Variants in COL6A2 observed in about 807,000 individuals in gnomAD.
COL6A2 encodes collagen alpha-2(VI) chain.
A neutral mutation model predicts 124.9 loss-of-function variants in COL6A2; 90 were observed. The ratio of observed to expected loss-of-function variants is 0.72; its 90% CI spans 0.61 to 0.86. COL6A2 has a LOEUF of 0.86. COL6A2 is among the 40% of genes least tolerant of loss of function. COL6A2 has a pLI of 0.00. For missense variants in COL6A2, 1,607 were observed against 1,502.5 expected (o/e 1.07, Z -1.15); for synonymous variants, 793 against 618.2 (o/e 1.28, Z -4.19).
In COL6A2 at chr21:46,122,946, C is replaced by G. The variant is rs186428044; in HGVS notation, c.1671+9C>G. On this transcript the variant is annotated intron_variant, in intron 21 of 27. Transcript: ENST00000300527. ...GAGAGAAAGGAGAGCCTGTGAGTGTCACCGTCCCGAAGCCCACAGCAGCTG... is the reference window on the plus strand; with the variant it reads ...GAGAGAAAGGAGAGCCTGTGAGTGTGACCGTCCCGAAGCCCACAGCAGCTG... 1 of 1,612,736 alleles carries G rather than the reference C, an allele frequency of 6.2e-7. No individual in the cohort carries two copies. Among genetic ancestry groups the G allele is most frequent in the African/African-American group, 1.3e-5 (1 of 74,890 alleles).
intron 27 of COL6A2, among the ~76,000 whole-genome samples, 176 bp from the exon 28 acceptor site, chr21:46,131,778 G>A (rs1345407775): frequency 1.3e-5 from 2 of 152,310 alleles, no homozygotes; most frequent in Non-Finnish European, 1.5e-5. Flanking sequence ...CCGCCTGAAA[G>A]TGTCTTGGGC....
In COL6A2 at chr21:46,131,969, A is replaced by C. The variant is rs2078765932; in HGVS notation, c.2477A>C (p.Gln826Pro). Residue 826 changes from glutamine (Q) to proline (P), a missense_variant, in exon 28 of 28, where the codon CAG (glutamine) becomes CCG (proline). Physicochemically the swap from Gln to Pro is moderately conservative, Grantham distance 76. Coordinates refer to ENST00000300527, the MANE Select transcript of COL6A2 (RefSeq NM_001849.4). ...LPCQTELSVA[Q>P]CTQRPVDIVF... ...CTCCCCACAGAGCTGTCCGTGGCACAGTGCACGCAGCGGCCCGTGGACATC... is the reference window on the plus strand; with the variant it reads ...CTCCCCACAGAGCTGTCCGTGGCACCGTGCACGCAGCGGCCCGTGGACATC... 4 of 1,606,120 alleles carry C rather than the reference A, an allele frequency of 2.5e-6. No homozygotes were observed. Among genetic ancestry groups the C allele is most frequent in the Non-Finnish European group, 3.4e-6 (4 of 1,177,932 alleles).
intron 27 of COL6A2, 46 bp downstream of exon 27, chr21:46,126,587 C>T (rs1241869346): frequency 1.2e-6 from 2 of 1,610,838 alleles, no homozygotes; most frequent in South Asian, 1.1e-5. Flanking sequence ...AGCAAAGCAG[C>T]CCTGGTGTCC....
intron 1 of COL6A2, among the ~76,000 whole-genome samples, chr21:46,110,977 T>C (rs1403785777): frequency 1.3e-5 from 2 of 152,172 alleles, no homozygotes; most frequent in Non-Finnish European, 2.9e-5. Flanking sequence ...AAGTCCTGTT[T>C]AAAGGGAATG....
At chr21:46,120,351 A>G (rs1207929696) in intron 15 of COL6A2, among the ~76,000 whole-genome samples, 164 bp from the exon 16 acceptor site, 5 of 152,108 alleles carry the variant, frequency 3.3e-5, no homozygotes, top group Admixed American at 2.6e-4. Context: ...GGCACCGGGA[A>G]GGAGCTATGG....
Position 46,116,734 on chromosome 21 carries a change from G to C in COL6A2, c.955-36G>C. ...TCCTGCTGCTCAGGGCAGAAGGACC[G>C]GGGCTAATGGAGTTCCCTCTTCCTT... is the stretch of plus-strand genomic sequence containing the variant. On this transcript the variant is annotated intron_variant, in intron 9 of 27. Transcript: ENST00000300527. The surrounding 1 kb of genome is among the most constrained non-coding windows in gnomAD (Gnocchi z 4.6). 2.5e-6 allele frequency: 4 copies of C among 1,613,078 alleles called. No individual in the cohort carries two copies. Among genetic ancestry groups the C allele is most frequent in the South Asian group, 2.2e-5 (2 of 91,086 alleles).
At chr21:46,120,122 G>GGCCCCCACTGAGGCACCTCTTACCCCCCA (rs2078538565) in intron 15 of COL6A2, among the ~76,000 whole-genome samples, 1 of 16,030 alleles carries the variant, frequency 6.2e-5, no homozygotes, top group South Asian at 1.2e-3. Flanking sequence ...CACACCCCCC[G>GGCCCCCACTGAGGCACCTCTTACCCCCCA]GCCCCCACTG....
chr21:46,108,715 A>G (rs2078362160), intron 1 of COL6A2, among the ~76,000 whole-genome samples: 1 of 152,192 alleles, frequency 6.6e-6, no homozygotes, highest in African/African-American at 2.4e-5. Flanking sequence ...ACTGTACTTT[A>G]ACTTCATATT....
intron 24 of COL6A2, 73 bp from the exon 25 acceptor site, chr21:46,125,392 G>A (rs772848606): frequency 2.7e-4 from 433 of 1,607,870 alleles, no homozygotes; most frequent in Non-Finnish European, 3.3e-4. Flanking sequence ...TCATCGCTGG[G>A]TCCTGCATGT....
chr21:46,106,231 A>G (rs1054981366), intron 1 of COL6A2, among the ~76,000 whole-genome samples: 5 of 152,282 alleles, frequency 3.3e-5, no homozygotes, highest in African/African-American at 4.8e-5. Context: ...AAATATTTAT[A>G]TCTTACACTG....
intron 27 of COL6A2, among the ~76,000 whole-genome samples, chr21:46,127,231 G>A (rs889449242): frequency 1.3e-5 from 2 of 152,152 alleles, no homozygotes; most frequent in Non-Finnish European, 1.5e-5. Context: ...GGGATGCCAT[G>A]GAGACAGGGT....
intron 1 of COL6A2, among the ~76,000 whole-genome samples, chr21:46,109,153 CAG>C (rs2078367495): frequency 6.6e-6 from 1 of 152,056 alleles, no homozygotes. Flanking sequence ...TCTCTGCAAA[CAG>C]GGCATCTCAA....
intron 27 of COL6A2, among the ~76,000 whole-genome samples, chr21:46,131,252 G>T (rs1028653368): frequency 1.3e-5 from 2 of 152,240 alleles, no homozygotes; most frequent in Non-Finnish European, 2.9e-5. Flanking sequence ...ACCCACACGT[G>T]TGGTAGGCAG....
In COL6A2 at chr21:46,122,136, A is replaced by C. The variant is rs780177226; in HGVS notation, c.1550A>C (p.Tyr517Ser). The change falls in exon 19 of 28, where the codon TAC (tyrosine) becomes TCC (serine). Residue 517 changes from tyrosine (Y) to serine (S), a missense_variant. Around this residue, in one of 3 missense-constraint regions of COL6A2, gnomAD observed 1,223 missense variants for 1,052.2 expected, o/e 1.16. Coordinates refer to ENST00000300527, the MANE Select transcript of COL6A2 (RefSeq NM_001849.4). ...KGDPGRPGFS[Y>S]PGPRGAPGEK... ...GACCCCGGCAGGCCTGGATTCAGCT[A>C]CCCAGGACCCCGAGGAGCACCCGTG... is the stretch of plus-strand genomic sequence containing the variant. The C allele has an allele frequency of 9.3e-6, 15 of 1,612,582 alleles. No homozygotes were observed. Among genetic ancestry groups the C allele is most frequent in the Non-Finnish European group, 1.3e-5 (15 of 1,179,988 alleles).
At chr21:46,117,496 G>A (rs759351708) in intron 11 of COL6A2, 43 bp downstream of exon 11, 1 of 1,599,506 alleles carries the variant, frequency 6.3e-7, no homozygotes, top group Non-Finnish European at 8.6e-7. Flanking sequence ...GGCCCAGGGG[G>A]TGTGGGTGCC....
At chr21:46,129,307 C>A in intron 27 of COL6A2, 1 of 1,612,960 alleles carries the variant, frequency 6.2e-7, no homozygotes, top group Non-Finnish European at 8.5e-7. Flanking sequence ...CTAAACGCCA[C>A]GGAGCTCACG....
At chr21:46,117,656 G>A in intron 11 of COL6A2, 1 of 738,606 alleles carries the variant, frequency 1.4e-6, no homozygotes, top group Non-Finnish European at 2.3e-6. Context: ...GGATCCCCGT[G>A]GCCTGGAGAC....
At position 46,115,898 on chromosome 21, in the gene COL6A2, G is replaced by A. The variant is rs140790797; in HGVS notation, c.828G>A (p.Pro276=). Residue 276 remains proline, a synonymous_variant, in exon 6 of 28, where the codon CCG becomes CCA. Transcript: ENST00000300527. ...GTGCCAAGGGCAACATGGGTGAGCC[G>A]GGAGAGCCTGGCCAGAAGGGAAGAC... The part of the protein sequence containing the change: ...QKGAKGNMGE[P]GEPGQKGRQG... The A allele has an allele frequency of 8.1e-5, 131 of 1,612,840 alleles. 1 individual carries two copies. Among genetic ancestry groups the A allele is most frequent in the African/African-American group, 5.1e-4 (38 of 75,038 alleles).
intron 4 of COL6A2, 151 bp downstream of exon 4, chr21:46,112,975 T>A (rs2123617953): frequency 9.9e-7 from 1 of 1,010,698 alleles, no homozygotes; most frequent in East Asian, 2.6e-5. Flanking sequence ...GGCCTTGGAG[T>A]CTGGAGAAAG....
Sources: gnomAD v4.1 joint callset for allele counts (sites outside exome capture counted in the v4.1 genomes callset) on GRCh38, gnomAD v4.1.1 for gene constraint, gnomAD v4.1.1 regional missense constraint, Gnocchi (gnomAD v3.1) non-coding constraint, MANE v1.5 for transcripts, NCBI Gene and HGNC (gene_info 2026-07-23, HGNC 2026-07-21) for gene names.